Variants in WDR72 observed in about 807,000 individuals in gnomAD.
The protein encoded by WDR72 is WD repeat domain 72.
Under a neutral mutation model 124.2 loss-of-function variants are expected in WDR72, and 120 were observed. The ratio of observed to expected loss-of-function variants is 0.97; its 90% confidence interval spans 0.83 to 1.12. WDR72 has a LOEUF of 1.12. Among genes scored for constraint, WDR72 ranks in the 50% most tolerant of loss-of-function variants. The pLI is 0.00. For missense variants in WDR72, 1,387 were observed against 1,278.8 expected (o/e 1.08, Z -1.29); for synonymous variants, 452 against 441.7 (o/e 1.02, Z -0.29).
At position 53,515,431 on chromosome 15, in the gene WDR72, A is replaced by G. The variant is rs1891409279; in HGVS notation, c.*2268T>C. On this transcript the variant is annotated 3_prime_UTR_variant, in exon 20 of 20. Coordinates refer to ENST00000360509, the MANE Select transcript of WDR72 (RefSeq NM_182758.4). ...TGAAATATGTGGAACACCAGTCAATATAAAGAATTCATTTTTAAACAGACT... is the reference window on the plus strand; with the variant it reads ...TGAAATATGTGGAACACCAGTCAATGTAAAGAATTCATTTTTAAACAGACT... The G allele has an allele frequency of 6.6e-6, 1 of 152,196 alleles. No homozygotes were observed. Among genetic ancestry groups the G allele is most frequent in the South Asian group, 2.1e-4 (1 of 4,828 alleles). The allele number at this position is 152,196 out of a possible 1,614,324, so 9.4% of individuals were successfully genotyped here. A position where few individuals can be genotyped will look rare whatever the true frequency, so the allele number is the denominator to read the frequency against.
Position 53,722,815 on chromosome 15 carries a change from C to T in WDR72, c.247G>A (p.Ala83Thr). The T allele has an allele frequency of 1.2e-6, 2 of 1,613,198 alleles. No homozygotes were observed. The highest frequency in any genetic ancestry group is 1.7e-6 in the Non-Finnish European group (2 of 1,179,956). The stretch of plus-strand genomic sequence containing the variant: ...TACCATACCTACCCATTTTCAGCAG[C>T]ACTAACAATGTAGGGCTGTTTAGAG... ...DFSKQPYIVS[A>T]AENGEMCVWN... Residue 83 changes from alanine (A) to threonine (T), a missense_variant, in exon 3 of 20, where the codon GCT becomes ACT. Physicochemically the swap from Ala to Thr is moderately conservative, Grantham distance 58. Coordinates refer to ENST00000360509, the MANE Select transcript of WDR72 (RefSeq NM_182758.4).
intron 11 of WDR72, among the ~76,000 whole-genome samples, chr15:53,703,763 C>T (rs1268478615): frequency 1.3e-5 from 2 of 152,032 alleles, no homozygotes; most frequent in South Asian, 2.1e-4. Flanking sequence ...AACCATAAAC[C>T]ACAAACTCTC....
upstream of WDR72, among the ~76,000 whole-genome samples, chr15:53,761,972 A>G (rs1240813811): frequency 6.6e-6 from 1 of 152,026 alleles, no homozygotes; most frequent in Non-Finnish European, 1.5e-5. Flanking sequence ...AAGTACCTAA[A>G]CTGAATGACT....
intron 1 of WDR72, among the ~76,000 whole-genome samples, chr15:53,737,370 T>C (rs1233449796): frequency 6.6e-6 from 1 of 152,214 alleles, no homozygotes; most frequent in Non-Finnish European, 1.5e-5. Context: ...TTAAACTTGC[T>C]AGTTAAAAGA....
intron 2 of WDR72, among the ~76,000 whole-genome samples, chr15:53,728,395 A>T (rs1359689561): frequency 6.6e-6 from 1 of 152,222 alleles, no homozygotes; most frequent in African/African-American, 2.4e-5. Flanking sequence ...ATGGATGGGG[A>T]CAGAGCCAAA....
intron 18 of WDR72, among the ~76,000 whole-genome samples, chr15:53,546,577 G>A (rs1333394858): frequency 6.6e-6 from 1 of 151,998 alleles, no homozygotes; most frequent in African/African-American, 2.4e-5. Flanking sequence ...TGACGAGTTA[G>A]TGGGTGCAGC....
In WDR72 at chr15:53,751,351, C is replaced by G. The variant is rs2018769490; in HGVS notation, c.-13+8282G>C. ...ACCCCCAAACTCCAGCAAACCACCA[C>G]CCTAATCAATTAGCAGCCATCAACA... On this transcript the variant is annotated intron_variant, in intron 1 of 19. Transcript: ENST00000360509. 3.9e-5 allele frequency among the ~76,000 whole-genome samples: 6 copies of G among 152,162 alleles called. No individual in the cohort carries two copies. In the South Asian group the frequency reaches 1.2e-3, roughly 31 times the overall value.
chr15:53,672,182 G>T (rs369870091), intron 13 of WDR72, among the ~76,000 whole-genome samples: 1 of 152,102 alleles, frequency 6.6e-6, no homozygotes, highest in Non-Finnish European at 1.5e-5. Context: ...GGGCAGAGAT[G>T]TTTCTATTAC....
chr15:53,735,262 G>T (rs1166793041), intron 1 of WDR72, among the ~76,000 whole-genome samples: 1 of 152,094 alleles, frequency 6.6e-6, no homozygotes, highest in African/African-American at 2.4e-5. Context: ...CTGCACTCCA[G>T]CCTGGGCTAC....
intron 14 of WDR72, among the ~76,000 whole-genome samples, chr15:53,632,758 T>C (rs187012920): frequency 4.1e-4 from 63 of 152,346 alleles, no homozygotes; most frequent in Admixed American, 3.9e-3. Context: ...GGAGATTATT[T>C]TGGAGCTTTA....
chr15:53,679,369 T>C (rs1353741346), intron 13 of WDR72, among the ~76,000 whole-genome samples: 1 of 152,016 alleles, frequency 6.6e-6, no homozygotes, highest in African/African-American at 2.4e-5. Flanking sequence ...ATCATCATAA[T>C]AAAAAAGCAT....
chr15:53,656,738 C>G (rs548452599), intron 14 of WDR72, among the ~76,000 whole-genome samples: 26 of 152,094 alleles, frequency 1.7e-4, no homozygotes, highest in Admixed American at 5.2e-4. Flanking sequence ...AAAATACCAT[C>G]CAGTGCATTA....
At position 53,710,857 on chromosome 15, in the gene WDR72, C is replaced by A; in HGVS notation, c.954G>T (p.Lys318Asn). The A allele has an allele frequency of 6.2e-7, 1 of 1,610,152 alleles. No individual in the cohort carries two copies. Among genetic ancestry groups the A allele is most frequent in the South Asian group, 1.1e-5 (1 of 91,004 alleles). The change falls in exon 9 of 20, where the codon AAG (lysine) becomes AAT (asparagine). Residue 318 changes from lysine (K) to asparagine (N), a missense_variant and splice_region_variant. Transcript: ENST00000360509. ...LLCSTSVQENKEQSRPFVMGY... is the reference protein window; with the variant it reads ...LLCSTSVQENNEQSRPFVMGY... ...GGCAGTCACTCTTTTCTTGCATTAC[C>A]TTATTTTCCTGCACAGAAGTAGAGC...
Position 53,514,666 on chromosome 15 carries a change from AAC to A in WDR72, c.*3031_*3032del. 6.6e-6 allele frequency: 1 copy of A among 152,232 alleles called. No homozygotes were observed. Among genetic ancestry groups the A allele is most frequent in the African/African-American group, 2.4e-5 (1 of 41,534 alleles). 9.4% of individuals were successfully genotyped at this position (152,232 alleles called of 1,614,324 possible). ...GCCTTAATTTAGTTTCTAAAATAGT[AAC>A]AGAATGTTTGATACCTGGGGCTACT... On this transcript the variant is annotated 3_prime_UTR_variant, in exon 20 of 20. Transcript: ENST00000360509.
intron 1 of WDR72, among the ~76,000 whole-genome samples, chr15:53,751,201 G>C (rs2018765355): frequency 6.6e-6 from 1 of 151,652 alleles, no homozygotes; most frequent in Non-Finnish European, 1.5e-5. Context: ...CTGAGGCCAG[G>C]AGTTTGAGAC....
Position 53,556,444 on chromosome 15 carries a change from G to A in WDR72, c.3149-33122C>T, listed in dbSNP as rs117076611. ...GTTTCTAGCAGACTGCCTATAGTAG[G>A]GTCTGGAAATCAGCAGGGTGACATT... On this transcript the variant is annotated intron_variant, in intron 18 of 19. Transcript: ENST00000360509. Among the ~76,000 whole-genome samples, 41 of 152,086 alleles carry A rather than the reference G, an allele frequency of 2.7e-4. 1 individual carries two copies. The highest frequency in any genetic ancestry group is 4.7e-4 in the Non-Finnish European group (32 of 67,978).
intron 18 of WDR72, among the ~76,000 whole-genome samples, chr15:53,553,759 A>T (rs1893827311): frequency 6.6e-6 from 1 of 152,208 alleles, no homozygotes; most frequent in Non-Finnish European, 1.5e-5. Flanking sequence ...ACGGATGTAG[A>T]AGTACAAGGT....
At chr15:53,626,450 C>T (rs2014212225) in intron 14 of WDR72, among the ~76,000 whole-genome samples, 4 of 152,150 alleles carry the variant, frequency 2.6e-5, no homozygotes, top group African/African-American at 9.7e-5. Flanking sequence ...AAGTCAGCGG[C>T]AGGTCTGCGA....
chr15:53,698,990 G>A (rs1462943224), intron 13 of WDR72, among the ~76,000 whole-genome samples: 1 of 152,098 alleles, frequency 6.6e-6, no homozygotes, highest in Non-Finnish European at 1.5e-5. Flanking sequence ...AAAGAAAATA[G>A]CAATTATTTT....
Sources: allele counts gnomAD v4.1 joint callset (sites outside exome capture counted in the v4.1 genomes callset), GRCh38; gene constraint gnomAD v4.1.1; transcripts MANE v1.5; gene names NCBI Gene and HGNC (gene_info 2026-07-23, HGNC 2026-07-21).